NTM: variants seen among roughly 807,000 people sequenced by gnomAD.
The protein encoded by NTM is neurotrimin.
Under a neutral mutation model 42.1 loss-of-function variants are expected in NTM, and 13 were observed. The ratio of observed to expected loss-of-function variants is 0.31; its 90% CI spans 0.20 to 0.49. The LOEUF (loss-of-function observed/expected upper bound fraction) is 0.49, where lower values mean the gene tolerates loss of function less well. NTM is among the 20% of genes least tolerant of loss of function. The pLI, the probability that NTM is intolerant of heterozygous loss-of-function variation, is 0.99. For missense variants in NTM, 373 were observed against 452.8 expected, an observed-to-expected ratio of 0.82 and a Z score of 1.60; for synonymous variants, 187 against 179.2, an observed-to-expected ratio of 1.04 and a Z score of -0.35.
Position 131,735,150 on chromosome 11 carries a change from T to A in NTM, c.83-176414T>A, listed in dbSNP as rs370245755. On this transcript the variant is annotated intron_variant, in intron 1 of 8. Transcript: ENST00000683400. ...TGTTGCAAGGCGGAGGGGGGAAAGA[T>A]GAGGAAAAGCAAACGTTTTCATAAT... Among the ~76,000 whole-genome samples, 298 of 152,336 alleles carry A rather than the reference T, an allele frequency of 2.0e-3. 1 individual carries two copies. Among genetic ancestry groups the A allele is most frequent in the Non-Finnish European group, 2.7e-3 (183 of 68,034 alleles).
At chr11:131,883,142 A>G (rs2049818902) in intron 1 of NTM, among the ~76,000 whole-genome samples, 2 of 152,210 alleles carry the variant, frequency 1.3e-5, no homozygotes, top group South Asian at 4.2e-4. Flanking sequence ...AAAATCAAAG[A>G]TTTTTTTCTT....
intron 2 of NTM, among the ~76,000 whole-genome samples, chr11:131,980,191 G>C (rs1196634114): frequency 2.0e-5 from 3 of 152,180 alleles, no homozygotes; most frequent in Non-Finnish European, 4.4e-5. Context: ...CATGTTTCTG[G>C]AATAGGAATT....
chr11:132,138,643 T>C (rs765353335), intron 2 of NTM, among the ~76,000 whole-genome samples: 2 of 128,246 alleles, frequency 1.6e-5, no homozygotes, highest in Non-Finnish European at 3.5e-5. Context: ...GAGAGACTTA[T>C]AAGAATTGGC....
intron 1 of NTM, among the ~76,000 whole-genome samples, chr11:131,531,750 A>T (rs1277090973): frequency 6.6e-6 from 1 of 152,338 alleles, no homozygotes; most frequent in East Asian, 1.9e-4. Context: ...GGGTTTTCAT[A>T]AGATGGAGGT....
chr11:132,076,185 T>G (rs118093911), intron 2 of NTM, among the ~76,000 whole-genome samples: 1 of 152,224 alleles, frequency 6.6e-6, no homozygotes, highest in Admixed American at 6.5e-5. Flanking sequence ...TACTTGATTC[T>G]TGTGAACCAG....
chr11:132,236,898 G>T (rs919992374), intron 4 of NTM, among the ~76,000 whole-genome samples: 7 of 152,182 alleles, frequency 4.6e-5, no homozygotes, highest in Non-Finnish European at 7.3e-5. Context: ...GCTTCTGCTG[G>T]TTTTTCCTGG....
intron 4 of NTM, among the ~76,000 whole-genome samples, chr11:132,226,173 CA>C (rs756227009): frequency 1.1e-3 from 163 of 152,312 alleles, no homozygotes; most frequent in Non-Finnish European, 1.7e-3. Context: ...AATAAACATA[CA>C]AGTGCATGTG....
chr11:132,236,286 A>AT (rs1328269583), intron 4 of NTM, among the ~76,000 whole-genome samples: 2 of 152,146 alleles, frequency 1.3e-5, no homozygotes, highest in Non-Finnish European at 2.9e-5. Context: ...AGGTTTGGTG[A>AT]TTTTTCCAAA....
Position 131,954,111 on chromosome 11 carries a change from C to T in NTM, c.167+42463C>T, listed in dbSNP as rs111510564. On this transcript the variant is annotated intron_variant, in intron 2 of 8. Coordinates refer to ENST00000683400, the MANE Select transcript of NTM (RefSeq NM_001352005.2). ...TCACAGTGCTGTGATTTATGGTAAG[C>T]CCTCCTTTTTCCTAAAACAACCACC... 3.7e-3 allele frequency among the ~76,000 whole-genome samples: 563 copies of T among 152,326 alleles called. 4 individuals are homozygous for T. The highest frequency in any genetic ancestry group is 0.013 in the African/African-American group (525 of 41,572).
intron 1 of NTM, among the ~76,000 whole-genome samples, chr11:131,580,131 C>T (rs1286538533): frequency 2.0e-5 from 3 of 152,134 alleles, no homozygotes; most frequent in African/African-American, 2.4e-5. Flanking sequence ...GAGAGCTCAT[C>T]GGCCGCCATC....
chr11:131,410,274 A>C (rs530220249), intron 1 of NTM, among the ~76,000 whole-genome samples: 15 of 152,130 alleles, frequency 9.9e-5, no homozygotes, highest in Admixed American at 3.3e-4. Context: ...GGAGTTCAAG[A>C]CCAGCCTGGG....
At chr11:132,183,656 C>T (rs1459037295) in intron 3 of NTM, among the ~76,000 whole-genome samples, 3 of 152,058 alleles carry the variant, frequency 2.0e-5, no homozygotes, top group East Asian at 3.9e-4. Context: ...AAGCACCAGA[C>T]AAGTATATCT....
chr11:131,822,093 G>T (rs937614734), intron 1 of NTM, among the ~76,000 whole-genome samples: 1 of 152,160 alleles, frequency 6.6e-6, no homozygotes, highest in African/African-American at 2.4e-5. Flanking sequence ...AGAACCCATT[G>T]TATGCTCCCA....
intron 1 of NTM, among the ~76,000 whole-genome samples, chr11:131,714,201 T>C (rs2077452032): frequency 2.0e-5 from 3 of 152,108 alleles, no homozygotes; most frequent in Non-Finnish European, 4.4e-5. Context: ...TTTATTTATT[T>C]ATTTTAAGAC....
rs1390002081 is a variant in NTM at position 132,002,751 on chromosome 11, A to G, written c.167+91103A>G. Among the ~76,000 whole-genome samples the G allele has an allele frequency of 6.6e-6, 1 of 152,074 alleles. No homozygotes were observed. Among genetic ancestry groups the G allele is most frequent in the East Asian group, 1.9e-4 (1 of 5,192 alleles). On this transcript the variant is annotated intron_variant, in intron 2 of 8. Coordinates refer to ENST00000683400, the MANE Select transcript of NTM (RefSeq NM_001352005.2). This position sits in a 1 kb window ranked among gnomAD's most constrained non-coding sequence, Gnocchi z 4.5. The stretch of plus-strand genomic sequence containing the variant: ...TGAATTCAAGTTCTGCCACTTCCTT[A>G]CTCTGTCTCTTTATCAATAAACTCA...
intron 2 of NTM, among the ~76,000 whole-genome samples, chr11:131,925,832 G>A (rs1023410366): frequency 6.6e-6 from 1 of 152,190 alleles, no homozygotes; most frequent in Non-Finnish European, 1.5e-5. Flanking sequence ...GCAATGCAGA[G>A]ACACGGGGCA....
At chr11:132,237,028 G>T (rs1331634090) in intron 4 of NTM, among the ~76,000 whole-genome samples, 1 of 151,722 alleles carries the variant, frequency 6.6e-6, no homozygotes, top group African/African-American at 2.4e-5. Flanking sequence ...CCACGATCTG[G>T]CCAGAAACCT....
intron 4 of NTM, among the ~76,000 whole-genome samples, chr11:132,213,274 G>C (rs1246990557): frequency 6.6e-6 from 1 of 152,144 alleles, no homozygotes; most frequent in Non-Finnish European, 1.5e-5. Flanking sequence ...AACAGAATTG[G>C]GCAGGTTAGA....
chr11:131,957,900 TAGAG>T (rs1242885377), intron 2 of NTM, among the ~76,000 whole-genome samples: 7 of 151,912 alleles, frequency 4.6e-5, no homozygotes, highest in African/African-American at 1.7e-4. Flanking sequence ...TTAATATTAA[TAGAG>T]AGGCTTCCTT....
Sources: allele counts gnomAD v4.1 joint callset (sites outside exome capture counted in the v4.1 genomes callset), GRCh38; gene constraint gnomAD v4.1.1; non-coding constraint Gnocchi (gnomAD v3.1); transcripts MANE v1.5; gene names NCBI Gene and HGNC (gene_info 2026-07-23, HGNC 2026-07-21).